Variants in TMCC1 observed in about 807,000 individuals in gnomAD.
TMCC1 encodes transmembrane and coiled-coil domain family 1.
Under a neutral mutation model 52.4 loss-of-function variants are expected in TMCC1, and 15 were observed. The observed-to-expected ratio is 0.29, with a 90% CI of 0.19 to 0.44. The LOEUF is 0.44. Ranked by LOEUF, TMCC1 falls within the 20% of genes least tolerant of loss-of-function variation. TMCC1 has a pLI of 1.00. For missense variants in TMCC1, 503 were observed against 806.0 expected, an observed-to-expected ratio of 0.62 and a Z score of 4.55; for synonymous variants, 279 against 301.9, an observed-to-expected ratio of 0.92 and a Z score of 0.79.
chr3:129,658,252 T>C (rs2086798086), intron 5 of TMCC1, among the ~76,000 whole-genome samples: 2 of 152,208 alleles, frequency 1.3e-5, no homozygotes, highest in Admixed American at 6.5e-5. Context: ...AACTACAAAA[T>C]AGGCTGACTT....
At chr3:129,888,802 C>G (rs1211383702) in intron 1 of TMCC1, among the ~76,000 whole-genome samples, 1 of 152,106 alleles carries the variant, frequency 6.6e-6, no homozygotes, top group East Asian at 1.9e-4. Flanking sequence ...AACTCTGCCT[C>G]AAGCCAGATG....
At chr3:129,680,845 A>T (rs1445756592) in intron 4 of TMCC1, among the ~76,000 whole-genome samples, 2 of 151,650 alleles carry the variant, frequency 1.3e-5, no homozygotes, top group African/African-American at 4.9e-5. Context: ...GGTTGCAGTG[A>T]GCTGAGATGG....
At chr3:129,817,042 AAAGAC>A (rs1318924335) in intron 4 of TMCC1, among the ~76,000 whole-genome samples, 1 of 152,052 alleles carries the variant, frequency 6.6e-6, no homozygotes, top group Non-Finnish European at 1.5e-5. Context: ...GAAAAAAGAA[AAAGAC>A]AAGACAAATA....
intron 4 of TMCC1, among the ~76,000 whole-genome samples, chr3:129,672,659 T>C (rs1242628064): frequency 6.6e-6 from 1 of 152,012 alleles, no homozygotes; most frequent in Non-Finnish European, 1.5e-5. Context: ...GAGTAATGAG[T>C]AATAAAATAA....
chr3:129,834,029 CA>C (rs1171553563), intron 2 of TMCC1, among the ~76,000 whole-genome samples: 1 of 152,168 alleles, frequency 6.6e-6, no homozygotes, highest in East Asian at 1.9e-4. Flanking sequence ...ATACATGAAA[CA>C]TACAGAAAAC....
chr3:129,770,510 G>A (rs1332328608), intron 4 of TMCC1, among the ~76,000 whole-genome samples: 11 of 151,958 alleles, frequency 7.2e-5, no homozygotes, highest in East Asian at 1.9e-4. Flanking sequence ...CCTAGGAGGC[G>A]GAGGCTGCAG....
At chr3:129,703,620 A>G (rs1245583823) in intron 4 of TMCC1, among the ~76,000 whole-genome samples, 2 of 152,222 alleles carry the variant, frequency 1.3e-5, no homozygotes, top group Non-Finnish European at 2.9e-5. Context: ...TGGAGATGAA[A>G]AACTAGAGAA....
intron 4 of TMCC1, among the ~76,000 whole-genome samples, chr3:129,821,865 G>T (rs753523961): frequency 1.3e-5 from 2 of 151,992 alleles, no homozygotes; most frequent in African/African-American, 2.4e-5. Context: ...AGGAGTTCAA[G>T]ACCAGCCTGG....
At chr3:129,655,142 G>T in intron 5 of TMCC1, 39 bp from the exon 6 acceptor site, 1 of 1,598,474 alleles carries the variant, frequency 6.3e-7, no homozygotes. Flanking sequence ...TATGAATTCT[G>T]TGAATATCTT....
At chr3:129,725,798 G>A (rs972399517) in intron 4 of TMCC1, among the ~76,000 whole-genome samples, 7 of 152,024 alleles carry the variant, frequency 4.6e-5, no homozygotes, top group Admixed American at 6.6e-5. Flanking sequence ...AGAAACAACC[G>A]TACTAAATTT....
chr3:129,822,251 CT>C (rs918720929), intron 4 of TMCC1, among the ~76,000 whole-genome samples: 20 of 152,080 alleles, frequency 1.3e-4, no homozygotes, highest in African/African-American at 2.4e-5. Context: ...TGTTACCCGT[CT>C]GAAAATGATG....
chr3:129,868,541 T>C (rs777755575), intron 2 of TMCC1, among the ~76,000 whole-genome samples: 2 of 152,148 alleles, frequency 1.3e-5, no homozygotes, highest in African/African-American at 2.4e-5. Flanking sequence ...TGGGTTCAAG[T>C]GATTCTCCTG....
intron 5 of TMCC1, among the ~76,000 whole-genome samples, chr3:129,669,259 C>T (rs1434280842): frequency 1.3e-5 from 2 of 152,130 alleles, no homozygotes; most frequent in African/African-American, 2.4e-5. Context: ...CTGTTCAACT[C>T]CTGATGTTAC....
chr3:129,662,216 GA>G (rs373792434), intron 5 of TMCC1, among the ~76,000 whole-genome samples: 154 of 152,174 alleles, frequency 1.0e-3, no homozygotes, highest in African/African-American at 3.3e-3. Context: ...AATCATACAA[GA>G]ACAGTCATGC....
At chr3:129,886,147 T>C (rs9289347) in intron 1 of TMCC1, among the ~76,000 whole-genome samples, 56,155 of 152,070 alleles carry the variant, frequency 0.37, 15,610 homozygotes, top group African/African-American at 0.77. Flanking sequence ...TGCTCTCAGA[T>C]AGATAACTGA....
rs1408778496 is a variant in TMCC1 at position 129,678,418 on chromosome 3, T to C, written c.577-7154A>G. Among the ~76,000 whole-genome samples, 18 of 142,168 alleles carry C rather than the reference T, an allele frequency of 1.3e-4. 1 individual carries two copies. 93.3% of individuals were successfully genotyped at this position (142,168 alleles called of 152,430 possible). On this transcript the variant is annotated intron_variant, in intron 4 of 6. Coordinates refer to ENST00000393238, the MANE Select transcript of TMCC1 (RefSeq NM_001017395.5). ...CTCTGTTGCCCAGGCTGGAGTGCAG[T>C]GGCATAATCTCGGCTCACTGCAACC...
At chr3:129,772,394 A>G (rs2054662848) in intron 4 of TMCC1, among the ~76,000 whole-genome samples, 1 of 152,096 alleles carries the variant, frequency 6.6e-6, no homozygotes, top group Non-Finnish European at 1.5e-5. Flanking sequence ...ATACAAAGAA[A>G]AAGATCCATA....
intron 4 of TMCC1, among the ~76,000 whole-genome samples, chr3:129,683,037 G>A (rs1046531350): frequency 2.2e-4 from 33 of 152,270 alleles, no homozygotes; most frequent in African/African-American, 7.7e-4. Flanking sequence ...GTTTCTCTAC[G>A]TTGGTCAGGC....
intron 4 of TMCC1, among the ~76,000 whole-genome samples, chr3:129,797,417 C>A (rs1365824309): frequency 6.6e-6 from 1 of 150,512 alleles, no homozygotes; most frequent in Non-Finnish European, 1.5e-5. Context: ...GCCAAGTCTC[C>A]AAAAAAAAAT....
Sources: gnomAD v4.1 joint callset for allele counts (sites outside exome capture counted in the v4.1 genomes callset) on GRCh38, gnomAD v4.1.1 for gene constraint, MANE v1.5 for transcripts, NCBI Gene and HGNC (gene_info 2026-07-23, HGNC 2026-07-21) for gene names.